COL23A1: variants seen among roughly 807,000 people sequenced by gnomAD.
The protein encoded by COL23A1 is collagen alpha-1(XXIII) chain.
In COL23A1, 97 loss-of-function variants were observed where a neutral mutation model predicts 99.3. That is an observed-to-expected ratio of 0.98 (90% CI 0.83 to 1.16). The LOEUF (loss-of-function observed/expected upper bound fraction) is 1.16. Ranked by LOEUF, COL23A1 falls within the 50% of genes most tolerant of loss-of-function variation. The pLI, the probability that COL23A1 is intolerant of heterozygous loss-of-function variation, is 0.00. For synonymous variants in COL23A1, 320 were observed against 308.2 expected (o/e 1.04, Z -0.40); for missense variants, 762 against 757.4 (o/e 1.01, Z -0.07).
At chr5:178,345,922 C>G (rs970911052) in intron 2 of COL23A1, among the ~76,000 whole-genome samples, 1 of 152,098 alleles carries the variant, frequency 6.6e-6, no homozygotes, top group African/African-American at 2.4e-5. Context: ...CAGGAGGACA[C>G]TGCAAGTTCA....
chr5:178,457,457 C>T (rs1024004239), intron 2 of COL23A1, among the ~76,000 whole-genome samples: 7 of 152,106 alleles, frequency 4.6e-5, no homozygotes, highest in African/African-American at 1.4e-4. Flanking sequence ...TCAAGTGATC[C>T]GCCCATCTCG....
At chr5:178,540,716 G>A (rs1411006036) in intron 2 of COL23A1, among the ~76,000 whole-genome samples, 1 of 152,150 alleles carries the variant, frequency 6.6e-6, no homozygotes, top group African/African-American at 2.4e-5. Flanking sequence ...GAGCCTAGGA[G>A]TTTAAGACCA....
At position 178,257,543 on chromosome 5, in the gene COL23A1, G is replaced by A. The variant is rs781429769; in HGVS notation, c.754C>T (p.Pro252Ser). The change falls in exon 13 of 29, where the codon CCT (proline) becomes TCT (serine). Residue 252 changes from proline to serine, a missense_variant. Pro to Ser is a moderately conservative substitution (Grantham distance 74). Coordinates refer to ENST00000390654, the MANE Select transcript of COL23A1 (RefSeq NM_173465.4). ...CTCACCTTGGGCCCTGGTGGTCCAG[G>A]CTGGCTTGGTGTCCCATCGTCGCCC... ...KKGDDGTPSQ[P>S]GPPGPKGEPG... The A allele has an allele frequency of 8.9e-6, 14 of 1,564,728 alleles. No individual in the cohort carries two copies. The highest frequency in any genetic ancestry group is 4.7e-5 in the East Asian group (2 of 42,246).
chr5:178,417,236 T>C (rs1765360639), intron 2 of COL23A1, among the ~76,000 whole-genome samples: 1 of 152,176 alleles, frequency 6.6e-6, no homozygotes, highest in South Asian at 2.1e-4. Context: ...CACATGCATC[T>C]GTTCAACAGA....
intron 2 of COL23A1, among the ~76,000 whole-genome samples, chr5:178,435,164 C>T (rs1475920802): frequency 6.6e-6 from 1 of 152,222 alleles, no homozygotes; most frequent in African/African-American, 2.4e-5. Flanking sequence ...AGTAACCTTT[C>T]TGTTTCTGGA....
At chr5:178,556,095 C>T (rs965331471) in intron 2 of COL23A1, among the ~76,000 whole-genome samples, 1 of 152,176 alleles carries the variant, frequency 6.6e-6, no homozygotes, top group Non-Finnish European at 1.5e-5. Context: ...CGGAAATGAC[C>T]CAAACGTCCT....
intron 2 of COL23A1, among the ~76,000 whole-genome samples, chr5:178,337,553 T>C (rs916086624): frequency 6.6e-6 from 1 of 151,814 alleles, no homozygotes; most frequent in Non-Finnish European, 1.5e-5. Context: ...GGGTGCAGGG[T>C]TATGGAGAGC....
chr5:178,366,157 G>T lies in COL23A1; in HGVS notation c.362-59238C>A, dbSNP rs1048153844. ...ACCCTACGAGGAGGCGAGTCCCCAA[G>T]GGCAGGGCTGGGTCTGATTCACCTC... is the stretch of plus-strand genomic sequence containing the variant. On this transcript the variant is annotated intron_variant, in intron 2 of 28. Transcript: ENST00000390654. This position sits in a 1 kb window ranked among gnomAD's most constrained non-coding sequence, Gnocchi z 4.4. Among the ~76,000 whole-genome samples, 1 of 152,200 alleles carries T rather than the reference G, an allele frequency of 6.6e-6. No homozygotes were observed. The highest frequency in any genetic ancestry group is 2.4e-5 in the African/African-American group (1 of 41,450).
intron 2 of COL23A1, among the ~76,000 whole-genome samples, chr5:178,549,712 A>G (rs1761902396): frequency 6.6e-6 from 1 of 152,076 alleles, no homozygotes; most frequent in African/African-American, 2.4e-5. Flanking sequence ...CTACGTGAGA[A>G]GCTGAGGCAG....
chr5:178,370,441 T>C (rs376876138), intron 2 of COL23A1, among the ~76,000 whole-genome samples: 1 of 152,064 alleles, frequency 6.6e-6, no homozygotes. Flanking sequence ...ATGATCTCAC[T>C]GATATGTGGA....
chr5:178,334,097 G>T (rs1263506577), intron 2 of COL23A1, among the ~76,000 whole-genome samples: 1 of 152,162 alleles, frequency 6.6e-6, no homozygotes, highest in Non-Finnish European at 1.5e-5. Flanking sequence ...GGTCCTCAAG[G>T]CTGTGGGCTA....
rs199707984 is a variant in COL23A1 at position 178,267,308 on chromosome 5, C to G, written c.521G>C (p.Arg174Pro). 5.0e-6 allele frequency: 8 copies of G among 1,613,900 alleles called. No homozygotes were observed. The highest frequency in any genetic ancestry group is 1.3e-5 in the African/African-American group (1 of 74,928). The change falls in exon 8 of 29, where the codon CGG (arginine) becomes CCG (proline). Residue 174 changes from arginine (R) to proline (P), a missense_variant and splice_region_variant. Coordinates refer to ENST00000390654, the MANE Select transcript of COL23A1 (RefSeq NM_173465.4). ...AGGGAGGTCATGCCTGGTTCTTACC[C>G]GGGGGCCAAAGTCTCCTGGTGCACC... ...EKGAPGDFGPRGDQGQDGAAG... is the reference protein window; with the variant it reads ...EKGAPGDFGPPGDQGQDGAAG...
In COL23A1 at chr5:178,308,430, T is replaced by C. The variant is rs1345019596; in HGVS notation, c.362-1511A>G. Among the ~76,000 whole-genome samples the C allele has an allele frequency of 6.6e-6, 1 of 152,140 alleles. No homozygotes were observed. Among genetic ancestry groups the C allele is most frequent in the Non-Finnish European group, 1.5e-5 (1 of 68,006 alleles). ...AAAGTGCATGCCAGGGACGTAGCCC[T>C]TGGTTTTCTCCCATCCTGGACACAG... On this transcript the variant is annotated intron_variant, in intron 2 of 28. Coordinates refer to ENST00000390654, the MANE Select transcript of COL23A1 (RefSeq NM_173465.4). This position sits in a 1 kb window ranked among gnomAD's most constrained non-coding sequence, Gnocchi z 5.1.
At chr5:178,271,353 G>C (rs1189335846) in intron 5 of COL23A1, among the ~76,000 whole-genome samples, 1 of 152,074 alleles carries the variant, frequency 6.6e-6, no homozygotes, top group Admixed American at 6.5e-5. Flanking sequence ...CCACACTTCT[G>C]AACCTTTGCA....
intron 2 of COL23A1, among the ~76,000 whole-genome samples, chr5:178,372,350 C>G (rs977060883): frequency 6.6e-6 from 1 of 152,178 alleles, no homozygotes; most frequent in Admixed American, 6.5e-5. Flanking sequence ...GTTTTTAGTC[C>G]GAGGGCGTAG....
At chr5:178,431,653 C>T (rs1766273022) in intron 2 of COL23A1, among the ~76,000 whole-genome samples, 1 of 152,196 alleles carries the variant, frequency 6.6e-6, no homozygotes, top group Non-Finnish European at 1.5e-5. Flanking sequence ...GCTGAAGAGG[C>T]AAAGAACGGA....
intron 2 of COL23A1, among the ~76,000 whole-genome samples, chr5:178,543,177 G>A (rs1352530075): frequency 1.3e-5 from 2 of 151,364 alleles, no homozygotes; most frequent in South Asian, 2.1e-4. Context: ...GCGCGATCTC[G>A]GCTCACTGCA....
intron 2 of COL23A1, chr5:178,351,012 C>T (rs1171392587): frequency 6.6e-6 from 1 of 152,268 alleles, no homozygotes; most frequent in Non-Finnish European, 1.5e-5. Flanking sequence ...GGGTGGTCTC[C>T]TGGGGTTGCC....
chr5:178,290,531 G>A (rs1337065110), intron 3 of COL23A1, among the ~76,000 whole-genome samples, 162 bp from the exon 4 acceptor site: 3 of 152,198 alleles, frequency 2.0e-5, no homozygotes, highest in African/African-American at 4.8e-5. Flanking sequence ...GCCTGAAGCT[G>A]GGGGCAGAGC....
Sources: gnomAD v4.1 joint callset for allele counts (sites outside exome capture counted in the v4.1 genomes callset) on GRCh38, gnomAD v4.1.1 for gene constraint, Gnocchi (gnomAD v3.1) non-coding constraint, MANE v1.5 for transcripts, NCBI Gene and HGNC (gene_info 2026-07-23, HGNC 2026-07-21) for gene names.